The following GPR158 variants were observed in gnomAD, a reference collection of about 807,000 sequenced individuals.
GPR158 encodes metabotropic glycine receptor.
In GPR158, 30 loss-of-function variants were observed where a neutral mutation model predicts 78.2. The observed-to-expected ratio is 0.38, with a 90% confidence interval of 0.29 to 0.52. The LOEUF (loss-of-function observed/expected upper bound fraction) is 0.52. Among genes scored for constraint, GPR158 ranks in the 20% least tolerant of loss-of-function variants. GPR158 has a pLI of 0.83. For synonymous variants in GPR158, 581 were observed against 591.1 expected, an observed-to-expected ratio of 0.98 and a Z score of 0.25; for missense variants, 1,463 against 1,523.5, an observed-to-expected ratio of 0.96 and a Z score of 0.66.
rs1294646089 is a variant in GPR158, at chr10:25,175,730, G to T, written c.310G>T (p.Glu104Ter). The stretch of plus-strand genomic sequence containing the variant: ...GCGAGCCAACTGCTCCGGCCGCTAC[G>T]AGTTGGCGGGCCTGCCGGGGAAGTG... The part of the protein sequence containing the change: ...LKRANCSGRY[E>*]LAGLPGKWPA... Residue 104 changes from glutamate to a stop codon, truncating the protein, a stop_gained, in exon 1 of 11, where the codon GAG becomes TAG. Coordinates refer to ENST00000376351, the MANE Select transcript of GPR158 (RefSeq NM_020752.3). LOFTEE classifies it high-confidence loss of function. This position sits in a 1 kb window ranked among gnomAD's most constrained non-coding sequence, Gnocchi z 6.4. 6.2e-7 allele frequency: 1 copy of T among 1,611,556 alleles called. No homozygotes were observed. The highest frequency in any genetic ancestry group is 8.5e-7 in the Non-Finnish European group (1 of 1,179,898).
chr10:25,218,104 A>C (rs967046014), intron 1 of GPR158, among the ~76,000 whole-genome samples: 3 of 151,940 alleles, frequency 2.0e-5, no homozygotes, highest in Admixed American at 1.3e-4. Flanking sequence ...TCTTCCCCAC[A>C]AAGAGAGGGT....
intron 2 of GPR158, among the ~76,000 whole-genome samples, chr10:25,354,290 G>A (rs1359215620): frequency 7.3e-5 from 11 of 151,624 alleles, no homozygotes; most frequent in Admixed American, 3.9e-4. Flanking sequence ...GAGAGGTGGA[G>A]GTTGCAGTGA....
chr10:25,274,604 T>C (rs1255117945), intron 2 of GPR158, among the ~76,000 whole-genome samples: 1 of 152,178 alleles, frequency 6.6e-6, no homozygotes, highest in East Asian at 1.9e-4. Context: ...GTATATTCTT[T>C]TGAGGTCAGA....
chr10:25,221,052 G>A lies in GPR158; in HGVS notation c.903G>A (p.Arg301=), dbSNP rs144460729. 47 of 1,433,586 alleles carry A rather than the reference G, an allele frequency of 3.3e-5. No homozygotes were observed. The Admixed American group carries it at 4.0e-4, about 12-fold the overall frequency. The allele number at this position is 1,433,586 out of a possible 1,614,324, so 88.8% of individuals were successfully genotyped here. A position where few individuals can be genotyped will look rare whatever the true frequency, so the allele number is the denominator to read the frequency against. The change falls in exon 2 of 11, where the codon AGG becomes AGA. Residue 301 remains arginine, a splice_region_variant and synonymous_variant. Coordinates refer to ENST00000376351, the MANE Select transcript of GPR158 (RefSeq NM_020752.3). ...TCTTTTTATCCTTTTCTATTTCTAG[G>A]GGTGTCATGAAAGTTGACATAAATC... ...GLQPNLVPEF[R]GVMKVDINLQ...
chr10:25,208,424 A>G (rs921354875), intron 1 of GPR158, among the ~76,000 whole-genome samples: 2 of 152,234 alleles, frequency 1.3e-5, no homozygotes, highest in African/African-American at 4.8e-5. Flanking sequence ...ATGGTATTCA[A>G]GAGGCTTTTG....
At chr10:25,349,561 C>A (rs965744741) in intron 2 of GPR158, among the ~76,000 whole-genome samples, 3 of 146,268 alleles carry the variant, frequency 2.1e-5, no homozygotes, top group South Asian at 4.2e-4. Flanking sequence ...GTGTGTAGTA[C>A]TTCCTTTAGC....
rs917241799 is a variant in GPR158 at position 25,234,418 on chromosome 10, C to G, written c.1008+13261C>G. 6.2e-4 allele frequency among the ~76,000 whole-genome samples: 94 copies of G among 152,180 alleles called. 1 individual carries two copies. Among genetic ancestry groups the G allele is most frequent in the Admixed American group, 2.0e-3 (30 of 15,284 alleles). On this transcript the variant is annotated intron_variant, in intron 2 of 10. Transcript: ENST00000376351. ...ATATTAGTTTGATACGTATTTCTAA[C>G]TATAGTGAGTGCATTATGGGTAAGA...
intron 6 of GPR158, among the ~76,000 whole-genome samples, chr10:25,569,631 T>C (rs1836978221): frequency 6.6e-6 from 1 of 152,186 alleles, no homozygotes; most frequent in Non-Finnish European, 1.5e-5. Context: ...TGTCCCTACC[T>C]AAAGACACCT....
chr10:25,443,576 T>TG (rs1416938758), intron 4 of GPR158, among the ~76,000 whole-genome samples: 1 of 150,034 alleles, frequency 6.7e-6, no homozygotes, highest in East Asian at 1.9e-4. Context: ...AAAAAAAATT[T>TG]TTTTTTTTTT....
At chr10:25,465,894 C>T (rs568646644) in intron 4 of GPR158, among the ~76,000 whole-genome samples, 72 of 152,260 alleles carry the variant, frequency 4.7e-4, no homozygotes, top group African/African-American at 1.6e-3. Flanking sequence ...GTTGGCTGTT[C>T]TTCCTGGGTC....
intron 2 of GPR158, among the ~76,000 whole-genome samples, chr10:25,250,844 C>G (rs921341924): frequency 3.3e-5 from 5 of 151,254 alleles, no homozygotes; most frequent in South Asian, 2.1e-4. Flanking sequence ...TGGTGCAGAG[C>G]TGAGTTCAGT....
intron 7 of GPR158, among the ~76,000 whole-genome samples, chr10:25,573,120 TAAATC>T (rs1300182403): frequency 6.6e-6 from 1 of 152,196 alleles, no homozygotes; most frequent in Non-Finnish European, 1.5e-5. Flanking sequence ...TGTAATCAAA[TAAATC>T]AGAAAGGAGA....
chr10:25,316,826 AT>A (rs1358791770), intron 2 of GPR158, among the ~76,000 whole-genome samples: 2 of 151,916 alleles, frequency 1.3e-5, no homozygotes. Context: ...GAATCATTGG[AT>A]TAAGGTCATT....
intron 2 of GPR158, among the ~76,000 whole-genome samples, chr10:25,246,476 G>C (rs1029280882): frequency 6.6e-6 from 1 of 152,114 alleles, no homozygotes; most frequent in East Asian, 1.9e-4. Context: ...TGAGACGGAG[G>C]CACCACTAAA....
chr10:25,563,816 T>G (rs1431380247), intron 6 of GPR158, among the ~76,000 whole-genome samples: 5 of 152,236 alleles, frequency 3.3e-5, no homozygotes, highest in Non-Finnish European at 5.9e-5. Flanking sequence ...ATCTGTATTT[T>G]ATCAGAAGTT....
chr10:25,379,849 G>T (rs12762462), intron 2 of GPR158, among the ~76,000 whole-genome samples: 5 of 150,978 alleles, frequency 3.3e-5, no homozygotes, highest in Admixed American at 2.0e-4. Flanking sequence ...TGAAATACTC[G>T]GTTTAATACA....
intron 2 of GPR158, among the ~76,000 whole-genome samples, chr10:25,302,363 C>T (rs1306458887): frequency 6.6e-6 from 1 of 151,902 alleles, no homozygotes; most frequent in Non-Finnish European, 1.5e-5. Flanking sequence ...GGATTACAGG[C>T]GTGAGCCACC....
At chr10:25,268,114 A>AAT (rs1333791911) in intron 2 of GPR158, among the ~76,000 whole-genome samples, 4 of 152,236 alleles carry the variant, frequency 2.6e-5, no homozygotes, top group Admixed American at 1.3e-4. Context: ...GTGTACTCTG[A>AAT]ATATACATTT....
chr10:25,517,144 G>C (rs1836188461), intron 5 of GPR158, among the ~76,000 whole-genome samples: 1 of 146,492 alleles, frequency 6.8e-6, no homozygotes, highest in African/African-American at 2.6e-5. Flanking sequence ...TTGTGAATGG[G>C]AGTTCACTCA....
Sources: gnomAD v4.1 joint callset for allele counts (sites outside exome capture counted in the v4.1 genomes callset) on GRCh38, gnomAD v4.1.1 for gene constraint, Gnocchi (gnomAD v3.1) non-coding constraint, MANE v1.5 for transcripts, NCBI Gene and HGNC (gene_info 2026-07-23, HGNC 2026-07-21) for gene names.